Variants in SHC3 observed in about 807,000 individuals in gnomAD.
SHC3 encodes SHC adaptor protein 3.
SHC3 carries 15 observed loss-of-function variants against 60.4 expected under a neutral mutation model. That is an observed-to-expected ratio of 0.25 (90% CI 0.17 to 0.38). The LOEUF (loss-of-function observed/expected upper bound fraction) is 0.38. SHC3 is among the 10% of genes least tolerant of loss of function. The probability of loss-of-function intolerance (pLI) is 1.00; values close to 1 mark genes in which losing one functional copy is unlikely to be tolerated. For missense variants in SHC3, 677 were observed against 786.1 expected (o/e 0.86, Z 1.66); for synonymous variants, 294 against 325.9 (o/e 0.90, Z 1.05).
At chr9:89,168,026 G>A (rs925041444) in intron 1 of SHC3, among the ~76,000 whole-genome samples, 1 of 152,202 alleles carries the variant, frequency 6.6e-6, no homozygotes, top group African/African-American at 2.4e-5. Context: ...CCACAGCCAT[G>A]GGCCCTTGCC....
intron 1 of SHC3, among the ~76,000 whole-genome samples, chr9:89,153,870 C>T (rs1270328847): frequency 6.6e-6 from 1 of 152,206 alleles, no homozygotes; most frequent in Non-Finnish European, 1.5e-5. Context: ...GGGGATGGCT[C>T]AGACTGCGGA....
chr9:89,053,800 A>C (rs1279573387), intron 6 of SHC3, among the ~76,000 whole-genome samples: 1 of 152,180 alleles, frequency 6.6e-6, no homozygotes, highest in Non-Finnish European at 1.5e-5. Flanking sequence ...AGCAGCTGTT[A>C]CAGTTGTGCA....
At chr9:89,164,483 C>CG (rs894412909) in intron 1 of SHC3, among the ~76,000 whole-genome samples, 7 of 151,774 alleles carry the variant, frequency 4.6e-5, no homozygotes, top group African/African-American at 1.5e-4. Context: ...GTTGGAGTAT[C>CG]GGGGGGTAGG....
chr9:89,045,738 C>T lies in SHC3; in HGVS notation c.1201+8G>A. On this transcript the variant is annotated splice_region_variant and intron_variant, in intron 9 of 11. Coordinates refer to ENST00000375835, the MANE Select transcript of SHC3 (RefSeq NM_016848.6). ...TGTGTTTCTCACCCATCTCACCTTG[C>T]CTCTCACCTTGCCTTAAAGGTGTTT... is the stretch of plus-strand genomic sequence containing the variant. 1 of 1,613,514 alleles carries T rather than the reference C, an allele frequency of 6.2e-7. No individual in the cohort carries two copies. Among genetic ancestry groups the T allele is most frequent in the Non-Finnish European group, 8.5e-7 (1 of 1,179,680 alleles).
At chr9:89,122,826 G>A (rs547512689) in intron 1 of SHC3, among the ~76,000 whole-genome samples, 1 of 152,154 alleles carries the variant, frequency 6.6e-6, no homozygotes, top group Non-Finnish European at 1.5e-5. Context: ...GTGGGAAGGA[G>A]GTCTTTTACC....
chr9:89,078,014 A>G (rs755924925), intron 2 of SHC3, 111 bp from the exon 3 acceptor site: 6 of 1,275,438 alleles, frequency 4.7e-6, no homozygotes, highest in South Asian at 1.3e-5. Context: ...ATTTCAGTAT[A>G]GAAAACAGAG....
chr9:89,126,503 T>C (rs1357068314), intron 1 of SHC3, among the ~76,000 whole-genome samples: 1 of 152,204 alleles, frequency 6.6e-6, no homozygotes, highest in African/African-American at 2.4e-5. Flanking sequence ...TGGGGAACTT[T>C]ATTCTCCCCA....
At chr9:89,072,919 C>T (rs1825297606) in intron 4 of SHC3, among the ~76,000 whole-genome samples, 1 of 152,160 alleles carries the variant, frequency 6.6e-6, no homozygotes, top group African/African-American at 2.4e-5. Context: ...TAAATGCCTA[C>T]TTTGGTTATT....
At chr9:89,046,294 C>T (rs1394934306) in intron 8 of SHC3, among the ~76,000 whole-genome samples, 5 of 152,092 alleles carry the variant, frequency 3.3e-5, no homozygotes, top group Admixed American at 6.5e-5. Flanking sequence ...CTGAGCTCAA[C>T]GTTATTTTGC....
At chr9:89,085,257 G>A (rs1317609505) in intron 2 of SHC3, among the ~76,000 whole-genome samples, 2 of 152,206 alleles carry the variant, frequency 1.3e-5, no homozygotes, top group Admixed American at 6.5e-5. Flanking sequence ...CCATCACAGC[G>A]TCTCCCTTTT....
intron 1 of SHC3, among the ~76,000 whole-genome samples, chr9:89,166,738 G>T (rs7847804): frequency 0.032 from 4,926 of 152,220 alleles, 243 homozygotes; most frequent in African/African-American, 0.11. Flanking sequence ...GAAAGGATGC[G>T]CAAGGGAAGA....
chr9:89,084,765 G>A (rs948211627), intron 2 of SHC3, among the ~76,000 whole-genome samples: 1 of 152,110 alleles, frequency 6.6e-6, no homozygotes, highest in East Asian at 1.9e-4. Flanking sequence ...CCACAATTTC[G>A]TAAATGAGCC....
In SHC3 at chr9:89,121,954, C is replaced by G. The variant is rs74940445; in HGVS notation, c.475-9328G>C. Reference sequence around the variant, plus strand: ...CACTATCAGTAACTATATTTGGAAGCCTTGCATCATGAGAAACTACTGCTT... The same window carrying G: ...CACTATCAGTAACTATATTTGGAAGGCTTGCATCATGAGAAACTACTGCTT... On this transcript the variant is annotated intron_variant, in intron 1 of 11. Transcript: ENST00000375835. 3.7e-3 allele frequency among the ~76,000 whole-genome samples: 571 copies of G among 152,320 alleles called. 6 individuals carry two copies. Among genetic ancestry groups the G allele is most frequent in the African/African-American group, 0.013 (553 of 41,570 alleles).
rs188121696 is a variant in SHC3 at position 89,048,817 on chromosome 9, G to T, written c.963-1823C>A. 2.7e-4 allele frequency among the ~76,000 whole-genome samples: 41 copies of T among 152,290 alleles called. No individual in the cohort carries two copies. In the East Asian group the frequency reaches 7.2e-3, roughly 27 times the overall value. ...CTGGAGGAGCGGAGCTGAAACGGAAGGCAGGGCAAGCTCAGGAGATCCCCG... is the reference window on the plus strand; with the variant it reads ...CTGGAGGAGCGGAGCTGAAACGGAATGCAGGGCAAGCTCAGGAGATCCCCG... On this transcript the variant is annotated intron_variant, in intron 7 of 11. Coordinates refer to ENST00000375835, the MANE Select transcript of SHC3 (RefSeq NM_016848.6).
chr9:89,171,713 A>G (rs959098904), intron 1 of SHC3, among the ~76,000 whole-genome samples: 11 of 152,236 alleles, frequency 7.2e-5, no homozygotes, highest in African/African-American at 2.7e-4. Context: ...GGAAGCTCCA[A>G]TGGACAGGGT....
intron 2 of SHC3, among the ~76,000 whole-genome samples, chr9:89,087,052 C>A (rs1011159441): frequency 6.6e-6 from 1 of 152,162 alleles, no homozygotes; most frequent in Non-Finnish European, 1.5e-5. Flanking sequence ...CATGCGCACA[C>A]CCATCCGCCC....
intron 11 of SHC3, among the ~76,000 whole-genome samples, chr9:89,022,298 G>A (rs1472791667): frequency 6.6e-6 from 1 of 152,064 alleles, no homozygotes; most frequent in Non-Finnish European, 1.5e-5. Flanking sequence ...GGGGGAGGGG[G>A]GAAATTCCTA....
intron 10 of SHC3, among the ~76,000 whole-genome samples, chr9:89,039,512 A>G (rs554147020): frequency 1.3e-4 from 20 of 152,246 alleles, no homozygotes; most frequent in African/African-American, 4.1e-4. Flanking sequence ...TTTCTACATC[A>G]TTACCACCTT....
rs1408818149 is a variant in SHC3, at chr9:89,075,142, G to A, written c.696C>T (p.Ala232=). 1 of 1,614,144 alleles carries A rather than the reference G, an allele frequency of 6.2e-7. No homozygotes were observed. The change falls in exon 4 of 12, where the codon GCC becomes GCT. Residue 232 remains alanine, a synonymous_variant. Transcript: ENST00000375835. ...GMSISLTIST[A]SLNLRTPDSK... ...AGTCCGGAGTTCGCAGGTTCAGACT[G>A]GCCGTGGAGATGGTCAGAGAGATGC...
Sources: gnomAD v4.1 joint callset for allele counts (sites outside exome capture counted in the v4.1 genomes callset) on GRCh38, gnomAD v4.1.1 for gene constraint, MANE v1.5 for transcripts, NCBI Gene and HGNC (gene_info 2026-07-23, HGNC 2026-07-21) for gene names.